LRMDA: variants seen among roughly 807,000 people sequenced by gnomAD.
LRMDA encodes the protein leucine rich melanocyte differentiation associated, also known as leucine-rich melanocyte differentiation-associated protein.
LRMDA carries 18 observed loss-of-function variants against 29.8 expected under a neutral mutation model. The observed-to-expected ratio is 0.60, with a 90% CI of 0.42 to 0.90. The LOEUF is 0.90. LRMDA is among the 40% of genes least tolerant of loss of function. The pLI is 0.00. For synonymous variants in LRMDA, 125 were observed against 109.4 expected (o/e 1.14, Z -0.89); for missense variants, 273 against 273.9 (o/e 1.00, Z 0.02).
chr10:76,531,232 A>G (rs758949322), intron 6 of LRMDA, among the ~76,000 whole-genome samples: 1 of 152,100 alleles, frequency 6.6e-6, no homozygotes, highest in African/African-American at 2.4e-5. Flanking sequence ...GACTGTAATT[A>G]CCTTAATACC....
intron 6 of LRMDA, among the ~76,000 whole-genome samples, chr10:76,488,333 C>T (rs1842802165): frequency 6.6e-6 from 1 of 151,756 alleles, no homozygotes. Context: ...CTTACTCCTT[C>T]CCTGTCTGCC....
At chr10:76,472,131 C>T (rs1004437783) in intron 6 of LRMDA, among the ~76,000 whole-genome samples, 2 of 151,722 alleles carry the variant, frequency 1.3e-5, no homozygotes, top group Admixed American at 6.6e-5. Flanking sequence ...ACACTCTTCT[C>T]AAGAACATGG....
chr10:75,994,963 T>C (rs1847435055), intron 2 of LRMDA, among the ~76,000 whole-genome samples: 1 of 152,208 alleles, frequency 6.6e-6, no homozygotes. Context: ...AGCAAAGAAA[T>C]GAATGTGGCT....
intron 2 of LRMDA, among the ~76,000 whole-genome samples, chr10:75,786,682 C>G (rs1843477744): frequency 6.6e-6 from 1 of 152,026 alleles, no homozygotes; most frequent in Admixed American, 6.6e-5. Context: ...TGTTTTTCTT[C>G]TCTGAATTCA....
At chr10:75,594,408 A>G (rs1840761074) in intron 2 of LRMDA, among the ~76,000 whole-genome samples, 1 of 152,202 alleles carries the variant, frequency 6.6e-6, no homozygotes, top group Non-Finnish European at 1.5e-5. Flanking sequence ...TGAAATGGAG[A>G]AACAAGCTGC....
At chr10:75,922,048 A>C (rs1461905539) in intron 2 of LRMDA, among the ~76,000 whole-genome samples, 10 of 152,238 alleles carry the variant, frequency 6.6e-5, no homozygotes, top group Admixed American at 3.9e-4. Context: ...TAGAAGAACC[A>C]AATGTAAACT....
chr10:76,131,857 C>G (rs1372617052), intron 5 of LRMDA, among the ~76,000 whole-genome samples: 3 of 152,166 alleles, frequency 2.0e-5, no homozygotes, highest in African/African-American at 7.2e-5. Context: ...ATACGACAAA[C>G]AGCTATACTG....
chr10:76,396,521 C>A (rs560467608), intron 6 of LRMDA: 2 of 152,338 alleles, frequency 1.3e-5, no homozygotes, highest in African/African-American at 4.8e-5. Context: ...GGAATGTCAG[C>A]TGAAATACCT....
chr10:75,934,668 C>T (rs778741734), intron 2 of LRMDA, among the ~76,000 whole-genome samples: 17 of 152,062 alleles, frequency 1.1e-4, no homozygotes, highest in African/African-American at 1.7e-4. Flanking sequence ...AGGTACCACT[C>T]GGCCAGCAGG....
chr10:75,709,181 T>C (rs1213126398), intron 2 of LRMDA, among the ~76,000 whole-genome samples: 5 of 152,118 alleles, frequency 3.3e-5, no homozygotes, highest in Non-Finnish European at 7.4e-5. Context: ...GCACCTTAAT[T>C]TTTTTTATTA....
At chr10:75,961,172 A>G (rs909317168) in intron 2 of LRMDA, among the ~76,000 whole-genome samples, 1 of 152,294 alleles carries the variant, frequency 6.6e-6, no homozygotes, top group Middle Eastern at 3.4e-3. Context: ...GAAGAAAAAT[A>G]TTTCTAATAC....
At chr10:75,432,556 T>A (rs565197484) in intron 1 of LRMDA, among the ~76,000 whole-genome samples, 1 of 152,338 alleles carries the variant, frequency 6.6e-6, no homozygotes, top group South Asian at 2.1e-4. Context: ...CTTTAACCTC[T>A]TCTCTGCTCT....
At chr10:76,295,269 T>G (rs1253961580) in intron 5 of LRMDA, among the ~76,000 whole-genome samples, 3 of 152,192 alleles carry the variant, frequency 2.0e-5, no homozygotes, top group African/African-American at 4.8e-5. Context: ...CTGGAAGAGC[T>G]AAGAGCAGAG....
chr10:76,347,552 C>G (rs770131312), intron 6 of LRMDA, among the ~76,000 whole-genome samples: 1 of 152,110 alleles, frequency 6.6e-6, no homozygotes, highest in African/African-American at 2.4e-5. Flanking sequence ...CTTTCTCACC[C>G]GCTGAGAGCA....
intron 5 of LRMDA, among the ~76,000 whole-genome samples, chr10:76,297,242 C>A (rs778173230): frequency 6.6e-6 from 1 of 152,188 alleles, no homozygotes; most frequent in Non-Finnish European, 1.5e-5. Flanking sequence ...AAATATTCCA[C>A]TCTTTGGAAA....
chr10:76,292,961 G>C (rs184683510), intron 5 of LRMDA, among the ~76,000 whole-genome samples: 1 of 152,268 alleles, frequency 6.6e-6, no homozygotes, highest in Admixed American at 6.5e-5. Flanking sequence ...GGGAAACAGT[G>C]TGTGTATTTA....
chr10:76,345,575 A>G (rs1013833451), intron 6 of LRMDA, among the ~76,000 whole-genome samples: 6 of 151,526 alleles, frequency 4.0e-5, no homozygotes, highest in African/African-American at 1.5e-4. Flanking sequence ...GTGGGACAAT[A>G]AGAATCTATA....
chr10:76,066,511 C>A (rs1488738802), intron 5 of LRMDA, among the ~76,000 whole-genome samples: 1 of 152,132 alleles, frequency 6.6e-6, no homozygotes. Flanking sequence ...ATGTTCTTTC[C>A]CCTCTATGCC....
intron 2 of LRMDA, 120 bp from the exon 3 acceptor site, chr10:76,035,888 A>C: frequency 8.4e-7 from 1 of 1,189,750 alleles, no homozygotes; most frequent in African/African-American, 1.6e-5. Context: ...CTTTGCTGAC[A>C]GGCACCAAGC....
Sources: gnomAD v4.1 joint callset for allele counts (sites outside exome capture counted in the v4.1 genomes callset) on GRCh38, gnomAD v4.1.1 for gene constraint, MANE v1.5 for transcripts, NCBI Gene and HGNC (gene_info 2026-07-23, HGNC 2026-07-21) for gene names.